Variants in TBCD observed in about 807,000 individuals in gnomAD.
TBCD encodes the protein tubulin folding cofactor D, also known as tubulin-specific chaperone D.
Under a neutral mutation model 169.3 loss-of-function variants are expected in TBCD, and 105 were observed. The observed-to-expected ratio is 0.62, with a 90% CI of 0.53 to 0.73. The LOEUF (loss-of-function observed/expected upper bound fraction) is 0.73. TBCD is among the 30% of genes least tolerant of loss of function. TBCD has a pLI of 0.00. For missense variants in TBCD, 1,444 were observed against 1,600.1 expected (o/e 0.90, Z 1.66); for synonymous variants, 700 against 643.9 (o/e 1.09, Z -1.32).
chr17:82,771,878 C>T (rs908045223), intron 5 of TBCD, among the ~76,000 whole-genome samples: 30 of 151,658 alleles, frequency 2.0e-4, no homozygotes, highest in African/African-American at 6.1e-4. Context: ...GAGCCGAGAT[C>T]GCGCCACGGC....
chr17:82,819,214 C>G (rs1242706463), intron 13 of TBCD, among the ~76,000 whole-genome samples: 1 of 152,180 alleles, frequency 6.6e-6, no homozygotes, highest in Non-Finnish European at 1.5e-5. Context: ...AGAAGTAAAA[C>G]TAGGGAAGTC....
intron 7 of TBCD, among the ~76,000 whole-genome samples, chr17:82,785,943 A>G (rs2049291634): frequency 2.0e-5 from 3 of 152,294 alleles, no homozygotes; most frequent in South Asian, 4.1e-4. Context: ...ACCTGGCCTG[A>G]GGTTGGACTG....
Position 82,761,254 on chromosome 17 carries a change from G to A in TBCD, c.236-2711G>A, listed in dbSNP as rs147605005. 2.9e-3 allele frequency among the ~76,000 whole-genome samples: 441 copies of A among 152,256 alleles called. 3 individuals carry two copies. The highest frequency in any genetic ancestry group is 9.1e-3 in the African/African-American group (378 of 41,558). ...GCTGGGATTACAGGCGTGAGCCACCGTGCCCGGCCAGTTGTTTCTTCTGGG... is the reference window on the plus strand; with the variant it reads ...GCTGGGATTACAGGCGTGAGCCACCATGCCCGGCCAGTTGTTTCTTCTGGG... On this transcript the variant is annotated intron_variant, in intron 2 of 38. Coordinates refer to ENST00000355528, the MANE Select transcript of TBCD (RefSeq NM_005993.5).
In TBCD at chr17:82,791,733, G is replaced by A. The variant is rs145190548; in HGVS notation, c.772-6024G>A. 5.9e-3 allele frequency among the ~76,000 whole-genome samples: 896 copies of A among 152,350 alleles called. 3 individuals are homozygous for A. The highest frequency in any genetic ancestry group is 7.8e-3 in the Non-Finnish European group (533 of 68,038). ...TGCTGAGAACATTTTAAAATGCTGA[G>A]TGAGTCATGAAACAGTCATGCGTCC... On this transcript the variant is annotated intron_variant, in intron 7 of 38. Transcript: ENST00000355528.
chr17:82,806,638 C>T lies in TBCD; in HGVS notation c.1087+627C>T, dbSNP rs577519919. On this transcript the variant is annotated intron_variant, in intron 10 of 38. Coordinates refer to ENST00000355528, the MANE Select transcript of TBCD (RefSeq NM_005993.5). The surrounding 1 kb of genome is among the most constrained non-coding windows in gnomAD (Gnocchi z 5.1). ...GAGGCCCCCATCCTCCCAGTATCTC[C>T]CAGCTTCCTGATGGGCAGGCGGGGC... Among the ~76,000 whole-genome samples, 33 of 152,246 alleles carry T rather than the reference C, an allele frequency of 2.2e-4. No homozygotes were observed. Among genetic ancestry groups the T allele is most frequent in the Admixed American group, 1.4e-3 (21 of 15,296 alleles).
Position 82,920,092 on chromosome 17 carries a change from G to T in TBCD, c.2039-464G>T, listed in dbSNP as rs2061326353. Among the ~76,000 whole-genome samples, 1 of 152,184 alleles carries T rather than the reference G, an allele frequency of 6.6e-6. No homozygotes were observed. Among genetic ancestry groups the T allele is most frequent in the Admixed American group, 6.5e-5 (1 of 15,282 alleles). ...GTGGCTGGTCAGGGCCACGTTTCTG[G>T]TCATGGAGAGTGTGAGTGACGAGCT... On this transcript the variant is annotated intron_variant, in intron 23 of 38. Transcript: ENST00000355528. The surrounding 1 kb of genome is among the most constrained non-coding windows in gnomAD (Gnocchi z 4.1).
chr17:82,887,893 T>G lies in TBCD; in HGVS notation c.1534-1775T>G, dbSNP rs74000170. ...TTACTTGCCGTCTGTACCTCCTCTT[T>G]GGTGAAATGTCTGCTCAGGTCTTTT... On this transcript the variant is annotated intron_variant, in intron 15 of 38. Transcript: ENST00000355528. Among the ~76,000 whole-genome samples, 1,267 of 152,314 alleles carry G rather than the reference T, an allele frequency of 8.3e-3. 12 individuals carry two copies. Among genetic ancestry groups the G allele is most frequent in the African/African-American group, 0.028 (1,169 of 41,546 alleles).
rs764990930 is a variant in TBCD at position 82,932,753 on chromosome 17, A to G, written c.3191+18A>G. Reference sequence around the variant, plus strand: ...GAGGAGGAGTGAGGCTCTGCTTTTCATGACTTCCTTTCCGATTAAGCCTAA... The same window carrying G: ...GAGGAGGAGTGAGGCTCTGCTTTTCGTGACTTCCTTTCCGATTAAGCCTAA... On this transcript the variant is annotated intron_variant, in intron 34 of 38. Transcript: ENST00000355528. 3.1e-6 allele frequency: 5 copies of G among 1,613,190 alleles called. No homozygotes were observed. Among genetic ancestry groups the G allele is most frequent in the South Asian group, 2.2e-5 (2 of 90,882 alleles).
chr17:82,793,342 CTT>C (rs2049879978), intron 7 of TBCD, among the ~76,000 whole-genome samples: 1 of 152,206 alleles, frequency 6.6e-6, no homozygotes, highest in African/African-American at 2.4e-5. Flanking sequence ...GACAAGCTCT[CTT>C]CTGTTTCTGA....
chr17:82,821,647 G>A (rs371272225), intron 13 of TBCD, among the ~76,000 whole-genome samples: 1 of 152,176 alleles, frequency 6.6e-6, no homozygotes, highest in Non-Finnish European at 1.5e-5. Flanking sequence ...CCCAGAAGGT[G>A]CAGTCTGTCA....
intron 7 of TBCD, among the ~76,000 whole-genome samples, chr17:82,794,871 A>G (rs1657358206): frequency 6.6e-6 from 1 of 152,200 alleles, no homozygotes; most frequent in African/African-American, 2.4e-5. Flanking sequence ...AACTGTCCCC[A>G]GGGTAGAGAG....
Position 82,927,773 on chromosome 17 carries a change from G to A in TBCD, c.2610-132G>A, listed in dbSNP as rs929251784. 5.4e-6 allele frequency: 4 copies of A among 738,580 alleles called. No individual in the cohort carries two copies. The African/African-American group carries it at 7.0e-5, about 13-fold the overall frequency. The allele number at this position is 738,580 out of a possible 1,614,324, so 45.8% of individuals were successfully genotyped here. On this transcript the variant is annotated intron_variant, in intron 29 of 38. Transcript: ENST00000355528. ...CCTCTGCAGGCCCCGTGACTCCCTGGCAGCGTGCCTGGGCTCTGTGTGGGG... is the reference window on the plus strand; with the variant it reads ...CCTCTGCAGGCCCCGTGACTCCCTGACAGCGTGCCTGGGCTCTGTGTGGGG...
intron 13 of TBCD, chr17:82,838,641 G>T (rs2054190464): frequency 1.0e-6 from 1 of 985,406 alleles, no homozygotes. Context: ...TACTCCAATT[G>T]AGCTTTTCCA....
At chr17:82,928,673 C>G (rs2061957283) in intron 30 of TBCD, among the ~76,000 whole-genome samples, 2 of 152,258 alleles carry the variant, frequency 1.3e-5, no homozygotes, top group African/African-American at 2.4e-5. Context: ...ATCCCAGGGC[C>G]TGATTTCCTT....
At chr17:82,787,474 T>C (rs1250462349) in intron 7 of TBCD, among the ~76,000 whole-genome samples, 1 of 152,218 alleles carries the variant, frequency 6.6e-6, no homozygotes, top group Non-Finnish European at 1.5e-5. Flanking sequence ...TCCTTCTGTC[T>C]CTTGGAAGGG....
intron 14 of TBCD, among the ~76,000 whole-genome samples, chr17:82,877,561 C>T (rs1402991895): frequency 3.3e-5 from 5 of 152,092 alleles, no homozygotes; most frequent in African/African-American, 9.7e-5. Context: ...AGGCTGTTCT[C>T]GAACTCCTGA....
intron 32 of TBCD, 188 bp downstream of exon 32, chr17:82,929,688 G>C: frequency 1.2e-6 from 1 of 800,052 alleles, no homozygotes; most frequent in Admixed American, 2.1e-5. Flanking sequence ...AGGGCCTGTG[G>C]GATGGTTGAG....
rs1164448798 is a variant in TBCD at position 82,806,717 on chromosome 17, G to A, written c.1087+706G>A. Among the ~76,000 whole-genome samples the A allele has an allele frequency of 6.6e-6, 1 of 152,086 alleles. No individual in the cohort carries two copies. Among genetic ancestry groups the A allele is most frequent in the Non-Finnish European group, 1.5e-5 (1 of 68,020 alleles). ...CTCACATCCCCGCCGCTCCCTCCAG[G>A]GCAGGTTTCTCCCCAGTCATCTGCA... On this transcript the variant is annotated intron_variant, in intron 10 of 38. Transcript: ENST00000355528. This position sits in a 1 kb window ranked among gnomAD's most constrained non-coding sequence, Gnocchi z 5.1.
chr17:82,899,532 A>G (rs1156768467), intron 17 of TBCD, among the ~76,000 whole-genome samples: 1 of 152,228 alleles, frequency 6.6e-6, no homozygotes, highest in Admixed American at 6.5e-5. Flanking sequence ...GTGGCTATAC[A>G]ATTTTTCTGT....
Sources: gnomAD v4.1 joint callset for allele counts (sites outside exome capture counted in the v4.1 genomes callset) on GRCh38, gnomAD v4.1.1 for gene constraint, Gnocchi (gnomAD v3.1) non-coding constraint, MANE v1.5 for transcripts, NCBI Gene and HGNC (gene_info 2026-07-23, HGNC 2026-07-21) for gene names.